RGPD2: variants seen among roughly 807,000 people sequenced by gnomAD.
The protein encoded by RGPD2 is RANBP2-like and GRIP domain-containing protein 2.
In RGPD2, 2 loss-of-function variants were observed where a neutral mutation model predicts 36.0. The observed-to-expected ratio is 0.06, with a 90% confidence interval of 0.02 to 0.17. The LOEUF is 0.17. Ranked by LOEUF, RGPD2 falls within the 10% of genes least tolerant of loss-of-function variation. The pLI, the probability that RGPD2 is intolerant of heterozygous loss-of-function variation, is 1.00. For missense variants in RGPD2, 40 were observed against 464.3 expected, an observed-to-expected ratio of 0.09 and a Z score of 8.40; for synonymous variants, 19 against 163.8, an observed-to-expected ratio of 0.12 and a Z score of 6.75.
At chr2:87,864,515 C>A in the RGPD2 span, among the ~76,000 whole-genome samples, 1 of 152,352 alleles carries the variant, frequency 6.6e-6, no homozygotes, top group South Asian at 2.1e-4. Context: ...GACTTCTCAA[C>A]CTCTGTGATT....
At chr2:87,863,695 C>CATGTGT in the RGPD2 span, among the ~76,000 whole-genome samples, 4 of 149,444 alleles carry the variant, frequency 2.7e-5, no homozygotes, top group Non-Finnish European at 4.5e-5. Context: ...TACACAAATA[C>CATGTGT]GTGTGTGTGT....
the RGPD2 span, among the ~76,000 whole-genome samples, chr2:87,970,548 TATA>T: frequency 7.0e-6 from 1 of 142,300 alleles, no homozygotes; most frequent in Non-Finnish European, 1.5e-5. Context: ...GAGAATAAAT[TATA>T]ATAACTTCAG....
chr2:87,763,242 C>G (rs1278489651), intron 22 of RGPD2, among the ~76,000 whole-genome samples: 1 of 144,120 alleles, frequency 6.9e-6, no homozygotes, highest in East Asian at 2.1e-4. Flanking sequence ...ACTGCAAGCT[C>G]CGCCTCCCGG....
chr2:87,964,822 T>TTTA, the RGPD2 span, among the ~76,000 whole-genome samples: 1 of 80,346 alleles, frequency 1.2e-5, no homozygotes, highest in Non-Finnish European at 3.0e-5. Flanking sequence ...TTTATTTTTC[T>TTTA]TTTTGAGATG....
At chr2:87,964,348 C>T in the RGPD2 span, among the ~76,000 whole-genome samples, 3 of 151,832 alleles carry the variant, frequency 2.0e-5, no homozygotes, top group Non-Finnish European at 4.4e-5. Flanking sequence ...AAATACAGTT[C>T]ATTTGTCCAG....
the RGPD2 span, among the ~76,000 whole-genome samples, chr2:87,860,321 A>C: frequency 6.6e-6 from 1 of 151,984 alleles, no homozygotes; most frequent in African/African-American, 2.4e-5. Context: ...CATGACAGAA[A>C]GGGCAGGTAA....
At chr2:87,952,026 G>A in the RGPD2 span, among the ~76,000 whole-genome samples, 9 of 152,194 alleles carry the variant, frequency 5.9e-5, no homozygotes, top group African/African-American at 2.2e-4. Flanking sequence ...CACCTGTTGA[G>A]TTGTATGCTC....
chr2:87,884,889 ACT>A, the RGPD2 span, among the ~76,000 whole-genome samples: 1 of 152,150 alleles, frequency 6.6e-6, no homozygotes, highest in Non-Finnish European at 1.5e-5. Context: ...TCATTCTGAA[ACT>A]CTTCCAAAAA....
chr2:87,781,641 C>G (rs1307868322), intron 20 of RGPD2, among the ~76,000 whole-genome samples: 2 of 150,882 alleles, frequency 1.3e-5, no homozygotes, highest in African/African-American at 4.9e-5. Context: ...TTTGTATTTT[C>G]AGTAGAAACA....
the RGPD2 span, among the ~76,000 whole-genome samples, chr2:87,955,017 T>TTG: frequency 2.6e-5 from 1 of 38,210 alleles, no homozygotes; most frequent in Non-Finnish European, 5.2e-5. Flanking sequence ...TTTTTTTTTT[T>TTG]TTTGTTTGAG....
intron 21 of RGPD2, among the ~76,000 whole-genome samples, chr2:87,772,751 A>C (rs1483419478): frequency 7.1e-6 from 1 of 141,168 alleles, no homozygotes; most frequent in Non-Finnish European, 1.6e-5. Context: ...GAAAAAGTAG[A>C]TGAGATAACG....
chr2:87,923,454 G>A, the RGPD2 span, among the ~76,000 whole-genome samples: 1 of 152,214 alleles, frequency 6.6e-6, no homozygotes, highest in Non-Finnish European at 1.5e-5. Flanking sequence ...TTTATACTGT[G>A]ATAGTTACAT....
At chr2:87,897,744 T>G in the RGPD2 span, among the ~76,000 whole-genome samples, 1 of 152,038 alleles carries the variant, frequency 6.6e-6, no homozygotes, top group East Asian at 1.9e-4. Context: ...TCTGTTCCTG[T>G]GTTAGTTTGC....
chr2:87,840,470 G>T, the RGPD2 span, among the ~76,000 whole-genome samples: 1 of 151,420 alleles, frequency 6.6e-6, no homozygotes, highest in Admixed American at 6.6e-5. Flanking sequence ...TTAGAAAGTA[G>T]TACATAGAGG....
the RGPD2 span, among the ~76,000 whole-genome samples, chr2:87,914,922 C>T: frequency 7.9e-5 from 12 of 152,208 alleles, no homozygotes; most frequent in South Asian, 1.7e-3. Flanking sequence ...CTGAGGCAGG[C>T]GGATCACCTA....
chr2:87,956,751 T>C, the RGPD2 span, among the ~76,000 whole-genome samples: 3 of 88,174 alleles, frequency 3.4e-5, no homozygotes, highest in Admixed American at 1.3e-4. Context: ...TCTGGGTGAG[T>C]GAAACTAAGA....
chr2:87,837,031 T>C, the RGPD2 span, among the ~76,000 whole-genome samples: 1 of 152,210 alleles, frequency 6.6e-6, no homozygotes, highest in East Asian at 1.9e-4. Context: ...AATATGTGAC[T>C]ATTCTATCTA....
At chr2:87,977,692 T>C in the RGPD2 span, among the ~76,000 whole-genome samples, 1 of 151,490 alleles carries the variant, frequency 6.6e-6, no homozygotes, top group East Asian at 2.0e-4. Context: ...CCATTTACAT[T>C]TAGAATCTCA....
the RGPD2 span, among the ~76,000 whole-genome samples, chr2:87,886,838 G>A: frequency 6.6e-6 from 1 of 151,814 alleles, no homozygotes; most frequent in Non-Finnish European, 1.5e-5. Context: ...ATCACCATGG[G>A]AGACAGGAGT....
Sources: allele counts gnomAD v4.1 joint callset (sites outside exome capture counted in the v4.1 genomes callset), GRCh38; gene constraint gnomAD v4.1.1; transcripts MANE v1.5; gene names NCBI Gene and HGNC (gene_info 2026-07-23, HGNC 2026-07-21).